Variants in BCAS3 observed in about 807,000 individuals in gnomAD.
BCAS3 encodes the protein BCAS4/BCAS3 fusion.
Under a neutral mutation model 116.1 loss-of-function variants are expected in BCAS3, and 53 were observed. The ratio of observed to expected loss-of-function variants is 0.46; its 90% CI spans 0.37 to 0.57. BCAS3 has a LOEUF of 0.57. Among genes scored for constraint, BCAS3 ranks in the 20% least tolerant of loss-of-function variants. BCAS3 has a pLI of 0.00. For synonymous variants in BCAS3, 391 were observed against 408.2 expected, an observed-to-expected ratio of 0.96 and a Z score of 0.51; for missense variants, 917 against 1,165.4, an observed-to-expected ratio of 0.79 and a Z score of 3.10.
chr17:61,318,896 C>G (rs947426394), intron 22 of BCAS3, among the ~76,000 whole-genome samples: 2 of 152,222 alleles, frequency 1.3e-5, no homozygotes, highest in African/African-American at 4.8e-5. Context: ...CTGACCACCT[C>G]AGCAATTGCT....
chr17:61,044,637 G>A (rs2143081105), intron 19 of BCAS3, among the ~76,000 whole-genome samples: 1 of 151,650 alleles, frequency 6.6e-6, no homozygotes, highest in African/African-American at 2.4e-5. Context: ...TGAGTTCCAG[G>A]TGGACTAATA....
intron 22 of BCAS3, among the ~76,000 whole-genome samples, chr17:61,269,418 A>G (rs1220887583): frequency 1.3e-5 from 2 of 152,064 alleles, no homozygotes; most frequent in African/African-American, 4.8e-5. Context: ...CCCGGCCATT[A>G]TATTTTCAAT....
At chr17:61,071,063 A>G (rs900855746) in intron 19 of BCAS3, among the ~76,000 whole-genome samples, 1 of 152,222 alleles carries the variant, frequency 6.6e-6, no homozygotes, top group African/African-American at 2.4e-5. Flanking sequence ...AACATCAGCC[A>G]TGGAAAACAG....
At chr17:61,064,168 C>T (rs1212057818) in intron 19 of BCAS3, among the ~76,000 whole-genome samples, 10 of 152,154 alleles carry the variant, frequency 6.6e-5, no homozygotes, top group Non-Finnish European at 1.3e-4. Context: ...TCATGGTATA[C>T]ACCTGTAGTT....
At chr17:60,682,474 T>C (rs61152216) in intron 2 of BCAS3, among the ~76,000 whole-genome samples, 220 of 152,338 alleles carry the variant, frequency 1.4e-3, no homozygotes, top group African/African-American at 5.0e-3. Flanking sequence ...TATTTTCAAG[T>C]GTGATTTTTC....
chr17:60,710,313 AGC>A (rs1416946472), intron 5 of BCAS3, among the ~76,000 whole-genome samples: 1 of 152,152 alleles, frequency 6.6e-6, no homozygotes, highest in Non-Finnish European at 1.5e-5. Context: ...ATGATGTATA[AGC>A]AAACATGTAT....
At position 61,196,623 on chromosome 17, in the gene BCAS3, C is replaced by T. The variant is rs534277480; in HGVS notation, c.2425+112059C>T. On this transcript the variant is annotated intron_variant, in intron 22 of 23. Transcript: ENST00000407086. This position sits in a 1 kb window ranked among gnomAD's most constrained non-coding sequence, Gnocchi z 4.7. ...GACTGCTCCACATAGACTTCCGATTCGAATTAGAAATGAAAAGAGGAGAGG... is the reference window on the plus strand; with the variant it reads ...GACTGCTCCACATAGACTTCCGATTTGAATTAGAAATGAAAAGAGGAGAGG... 2.0e-5 allele frequency among the ~76,000 whole-genome samples: 3 copies of T among 152,130 alleles called. No homozygotes were observed. The East Asian group carries it at 5.8e-4, about 29-fold the overall frequency.
intron 20 of BCAS3, among the ~76,000 whole-genome samples, chr17:61,075,946 A>G (rs1262302962): frequency 2.6e-5 from 4 of 151,728 alleles, no homozygotes; most frequent in African/African-American, 7.3e-5. Flanking sequence ...TAATGTAGAG[A>G]CAGGATCTCC....
chr17:61,070,609 A>G (rs1022019324), intron 19 of BCAS3, among the ~76,000 whole-genome samples: 1 of 151,862 alleles, frequency 6.6e-6, no homozygotes, highest in Non-Finnish European at 1.5e-5. Context: ...ATGCTATATA[A>G]AAAGAGCAAA....
chr17:60,980,886 T>C (rs1473183303), intron 14 of BCAS3, among the ~76,000 whole-genome samples: 1 of 152,092 alleles, frequency 6.6e-6, no homozygotes, highest in Admixed American at 6.5e-5. Context: ...ACTGCTGGCA[T>C]GCAGTGGCAC....
At chr17:60,971,073 G>C (rs183686567) in intron 14 of BCAS3, among the ~76,000 whole-genome samples, 33 of 152,314 alleles carry the variant, frequency 2.2e-4, no homozygotes, top group African/African-American at 7.7e-4. Flanking sequence ...TTGATAAGCA[G>C]CTTGATTCCA....
intron 22 of BCAS3, among the ~76,000 whole-genome samples, chr17:61,121,225 G>C (rs2075772819): frequency 6.6e-6 from 1 of 152,090 alleles, no homozygotes; most frequent in South Asian, 2.1e-4. Flanking sequence ...GAGAGCTAGA[G>C]ATGTAGATAT....
At chr17:60,898,240 A>G (rs1205267049) in intron 10 of BCAS3, among the ~76,000 whole-genome samples, 6 of 152,048 alleles carry the variant, frequency 3.9e-5, no homozygotes, top group African/African-American at 1.4e-4. Context: ...CTGGAGAGTT[A>G]TTGTGTTTCT....
In BCAS3 at chr17:61,097,084, AAG is replaced by A. The variant is rs778901832; in HGVS notation, c.2425+12522_2425+12523del. On this transcript the variant is annotated intron_variant, in intron 22 of 23. Transcript: ENST00000407086. The surrounding 1 kb of genome is among the most constrained non-coding windows in gnomAD (Gnocchi z 4.0). ...GCTGAGTGAGATATTAATAAACACAAAGAAAACCATACGTAGACATATTATAA... is the reference window on the plus strand; with the variant it reads ...GCTGAGTGAGATATTAATAAACACAAAAAACCATACGTAGACATATTATAA... Among the ~76,000 whole-genome samples the A allele has an allele frequency of 2.1e-4, 32 of 152,174 alleles. No homozygotes were observed. Among genetic ancestry groups the A allele is most frequent in the Non-Finnish European group, 4.0e-4 (27 of 68,030 alleles).
chr17:61,030,504 T>C (rs1006629416), intron 16 of BCAS3, among the ~76,000 whole-genome samples: 1 of 152,098 alleles, frequency 6.6e-6, no homozygotes, highest in African/African-American at 2.4e-5. Context: ...TTTAGTAGCC[T>C]TTGCAAATAT....
In BCAS3 at chr17:61,045,889, TATATAATATATATA is replaced by T. The variant is rs2068067936; in HGVS notation, c.2029+4999_2029+5012del. ...TAAATATATATAAATATATATTATA[TATATAATATATATA>T]AATATATATTTATATATATAATATA... On this transcript the variant is annotated intron_variant, in intron 19 of 23. Transcript: ENST00000407086. Among the ~76,000 whole-genome samples, 7 of 38,212 alleles carry T rather than the reference TATATAATATATATA, an allele frequency of 1.8e-4. 1 individual carries two copies. In the African/African-American group the frequency reaches 2.8e-3, roughly 15 times the overall value. The allele number at this position is 38,212 out of a possible 152,430, so 25.1% of individuals were successfully genotyped here. A position where few individuals can be genotyped will look rare whatever the true frequency, so the allele number is the denominator to read the frequency against.
chr17:60,941,420 T>A (rs114575847), intron 13 of BCAS3, among the ~76,000 whole-genome samples: 154 of 152,272 alleles, frequency 1.0e-3, no homozygotes, highest in African/African-American at 3.4e-3. Context: ...ACTTGTTTTC[T>A]AGAAGAAAAA....
chr17:60,854,511 A>C (rs2053484131), intron 7 of BCAS3, among the ~76,000 whole-genome samples: 1 of 152,198 alleles, frequency 6.6e-6, no homozygotes. Context: ...AGAAAAAAAC[A>C]ACCCCATCAA....
chr17:60,920,205 C>T (rs1436001563), intron 12 of BCAS3, among the ~76,000 whole-genome samples: 1 of 152,174 alleles, frequency 6.6e-6, no homozygotes, highest in Admixed American at 6.6e-5. Flanking sequence ...GAATTTTTGG[C>T]TGAGTCCCCA....
Sources: gnomAD v4.1 joint callset for allele counts (sites outside exome capture counted in the v4.1 genomes callset) on GRCh38, gnomAD v4.1.1 for gene constraint, Gnocchi (gnomAD v3.1) non-coding constraint, MANE v1.5 for transcripts, NCBI Gene and HGNC (gene_info 2026-07-23, HGNC 2026-07-21) for gene names.